Variants in PRSS12 observed in about 807,000 individuals in gnomAD.
The protein encoded by PRSS12 is neurotrypsin.
A neutral mutation model predicts 104.4 loss-of-function variants in PRSS12; 85 were observed. The observed-to-expected ratio is 0.81, with a 90% CI of 0.68 to 0.98. The LOEUF (loss-of-function observed/expected upper bound fraction) is 0.98, where lower values mean the gene tolerates loss of function less well. Among genes scored for constraint, PRSS12 ranks in the 50% least tolerant of loss-of-function variants. PRSS12 has a pLI of 0.00. For synonymous variants in PRSS12, 454 were observed against 425.2 expected (o/e 1.07, Z -0.83); for missense variants, 1,141 against 1,139.2 (o/e 1.00, Z -0.02).
At chr4:118,324,170 G>C (rs540536412) in intron 4 of PRSS12, among the ~76,000 whole-genome samples, 2 of 151,938 alleles carry the variant, frequency 1.3e-5, no homozygotes, top group Non-Finnish European at 2.9e-5. Context: ...AAAGTGCTAG[G>C]ATATTATCAC....
At chr4:118,342,669 G>A (rs2126044539) in intron 1 of PRSS12, among the ~76,000 whole-genome samples, 1 of 152,256 alleles carries the variant, frequency 6.6e-6, no homozygotes, top group African/African-American at 2.4e-5. Context: ...ATGCAGTGGA[G>A]GCCCCAGAGT....
rs766434670 is a variant in PRSS12, at chr4:118,312,886, A to T, written c.1489+315T>A. The T allele has an allele frequency of 2.0e-4, 69 of 346,268 alleles. 1 individual carries two copies. Among genetic ancestry groups the T allele is most frequent in the Non-Finnish European group, 3.5e-4 (65 of 184,260 alleles). 21.4% of individuals were successfully genotyped at this position (346,268 alleles called of 1,614,324 possible). ...AGGTAAATGAAAATCAGAATAAGTG[A>T]CCGAGGAGTAAGGGGAATAGATACT... On this transcript the variant is annotated intron_variant, in intron 7 of 12. Coordinates refer to ENST00000296498, the MANE Select transcript of PRSS12 (RefSeq NM_003619.4).
intron 7 of PRSS12, among the ~76,000 whole-genome samples, chr4:118,310,276 C>T (rs1447776668): frequency 1.3e-5 from 2 of 152,134 alleles, no homozygotes; most frequent in East Asian, 3.9e-4. Context: ...ATTAAGAAAA[C>T]ATTTGCACAT....
At position 118,294,949 on chromosome 4, in the gene PRSS12, A is replaced by G; in HGVS notation, c.2029T>C (p.Cys677Arg). ...SSCWVLTAAH[C>R]FKRYGNSTRS... ...AAGGTGGACACATACCTCTTGAAAC[A>G]GTGTGCTGCTGTGAGGACCCAGCAG... Residue 677 changes from cysteine to arginine, a missense_variant, in exon 11 of 13, where the codon TGT becomes CGT. Cys to Arg is a radical substitution (Grantham distance 180). Coordinates refer to ENST00000296498, the MANE Select transcript of PRSS12 (RefSeq NM_003619.4). The G allele has an allele frequency of 6.2e-7, 1 of 1,614,132 alleles. No homozygotes were observed. Among genetic ancestry groups the G allele is most frequent in the Non-Finnish European group, 8.5e-7 (1 of 1,180,018 alleles).
At chr4:118,292,723 A>G (rs143781114) in intron 11 of PRSS12, among the ~76,000 whole-genome samples, 5 of 152,288 alleles carry the variant, frequency 3.3e-5, no homozygotes, top group African/African-American at 7.2e-5. Context: ...CTGAAGCTCA[A>G]TTATATCCCC....
At chr4:118,320,905 T>C (rs1560777693) in intron 4 of PRSS12, among the ~76,000 whole-genome samples, 1 of 152,114 alleles carries the variant, frequency 6.6e-6, no homozygotes, top group Non-Finnish European at 1.5e-5. Context: ...AAGAATATTA[T>C]AGGAGGTATA....
intron 1 of PRSS12, among the ~76,000 whole-genome samples, chr4:118,341,913 T>G (rs1390194079): frequency 6.6e-6 from 1 of 152,178 alleles, no homozygotes; most frequent in African/African-American, 2.4e-5. Flanking sequence ...TATACCATGT[T>G]AGAGTTCACC....
chr4:118,282,186 A>C lies in PRSS12; in HGVS notation c.2378T>G (p.Phe793Cys). 1 of 1,614,204 alleles carries C rather than the reference A, an allele frequency of 6.2e-7. No homozygotes were observed. Among genetic ancestry groups the C allele is most frequent in the East Asian group, 2.2e-5 (1 of 44,880 alleles). Residue 793 changes from phenylalanine to cysteine, a missense_variant, in exon 13 of 13, where the codon TTT (phenylalanine) becomes TGT (cysteine). Phe to Cys is a radical substitution (Grantham distance 205). Coordinates refer to ENST00000296498, the MANE Select transcript of PRSS12 (RefSeq NM_003619.4). ...CCGACCCTTATAACGTTCTTCACAA[A>C]ACCTTTTAGGAAGTAAGGGAATGGC... ...QAAIPLLPKR[F>C]CEERYKGRFT...
chr4:118,307,758 G>A (rs1743593604), intron 8 of PRSS12, among the ~76,000 whole-genome samples: 1 of 152,116 alleles, frequency 6.6e-6, no homozygotes, highest in Non-Finnish European at 1.5e-5. Context: ...ACGCCTGAGG[G>A]AAGCTTATCT....
chr4:118,318,442 GCT>G lies in PRSS12; in HGVS notation c.1084_1085del (p.Ser362LeufsTer6). ...NELSIEQCPK[S>X]SWGEHNCGHK... is the part of the protein sequence containing the mutation. ...GGCCACAGTTATGCTCTCCCCAGGA[GCT>G]CTTTGGACACTGCTCAATTGAAAGC... On this transcript the variant is annotated frameshift_variant, in exon 5 of 13. Coordinates refer to ENST00000296498, the MANE Select transcript of PRSS12 (RefSeq NM_003619.4). LOFTEE classifies it high-confidence loss of function. The G allele has an allele frequency of 6.2e-7, 1 of 1,614,130 alleles. No individual in the cohort carries two copies. The highest frequency in any genetic ancestry group is 8.5e-7 in the Non-Finnish European group (1 of 1,180,008).
At chr4:118,343,403 A>G (rs1724265645) in intron 1 of PRSS12, among the ~76,000 whole-genome samples, 1 of 152,146 alleles carries the variant, frequency 6.6e-6, no homozygotes, top group South Asian at 2.1e-4. Flanking sequence ...TCAAAAAACA[A>G]AAAACAAAAA....
chr4:118,295,059 C>A lies in PRSS12; in HGVS notation c.1919G>T (p.Gly640Val), dbSNP rs542351163. 7.4e-6 allele frequency: 12 copies of A among 1,613,878 alleles called. No individual in the cohort carries two copies. Among genetic ancestry groups the A allele is most frequent in the Middle Eastern group, 1.7e-4 (1 of 6,060 alleles). ...GAGGGAAACCTGCCAAGGCCAACCACCCCTAAGAAGAAAATGAGCTACACA... is the reference window on the plus strand; with the variant it reads ...GAGGGAAACCTGCCAAGGCCAACCAACCCTAAGAAGAAAATGAGCTACACA... ...RIIGGKNSLRGGWPWQVSLRL... is the reference protein window; with the variant it reads ...RIIGGKNSLRVGWPWQVSLRL... The change falls in exon 11 of 13, where the codon GGT becomes GTT. Residue 640 changes from glycine (G) to valine (V), a missense_variant and splice_region_variant. Coordinates refer to ENST00000296498, the MANE Select transcript of PRSS12 (RefSeq NM_003619.4).
intron 2 of PRSS12, among the ~76,000 whole-genome samples, chr4:118,335,913 T>G (rs883998): frequency 0.027 from 4,129 of 152,334 alleles, 89 homozygotes; most frequent in Non-Finnish European, 0.043. Flanking sequence ...ATGACTGATT[T>G]AGAAGAAAAT....
Position 118,281,754 on chromosome 4 carries a change from T to A in PRSS12, c.*182A>T. On this transcript the variant is annotated 3_prime_UTR_variant, in exon 13 of 13. Transcript: ENST00000296498. ...TTCATTTAAGGATTATCACTTCCAC[T>A]ACACTGAGGCCTCTGAAAATGTTCA... is the stretch of plus-strand genomic sequence containing the variant. 1.6e-6 allele frequency: 1 copy of A among 628,016 alleles called. No homozygotes were observed. Among genetic ancestry groups the A allele is most frequent in the Non-Finnish European group, 2.9e-6 (1 of 349,678 alleles). The allele number at this position is 628,016 out of a possible 1,614,324, so 38.9% of individuals were successfully genotyped here.
chr4:118,330,637 G>A (rs1159047490), intron 4 of PRSS12, among the ~76,000 whole-genome samples: 1 of 152,086 alleles, frequency 6.6e-6, no homozygotes, highest in African/African-American at 2.4e-5. Flanking sequence ...CACTGTAGGG[G>A]CAACTCTGAA....
At chr4:118,282,755 T>C (rs1482451682) in intron 12 of PRSS12, 76 bp downstream of exon 12, 2 of 1,588,134 alleles carry the variant, frequency 1.3e-6, no homozygotes, top group Non-Finnish European at 1.7e-6. Context: ...TAAGATCTTA[T>C]TGCCCATTGC....
At chr4:118,308,288 A>C in intron 8 of PRSS12, 148 bp downstream of exon 8, 1 of 1,096,876 alleles carries the variant, frequency 9.1e-7, no homozygotes, top group South Asian at 1.4e-5. Flanking sequence ...TTACTTCTTT[A>C]TAATTCTGGA....
At position 118,282,213 on chromosome 4, in the gene PRSS12, G is replaced by C; in HGVS notation, c.2351C>G (p.Ala784Gly). 1 of 1,614,220 alleles carries C rather than the reference G, an allele frequency of 6.2e-7. No individual in the cohort carries two copies. Among genetic ancestry groups the C allele is most frequent in the Non-Finnish European group, 8.5e-7 (1 of 1,180,040 alleles). The change falls in exon 13 of 13, where the codon GCA becomes GGA. Residue 784 changes from alanine (A) to glycine (G), a missense_variant. Coordinates refer to ENST00000296498, the MANE Select transcript of PRSS12 (RefSeq NM_003619.4). ...GRAYSRTLQQAAIPLLPKRFC... is the reference protein window; with the variant it reads ...GRAYSRTLQQGAIPLLPKRFC... Reference sequence around the variant, plus strand: ...CCTTTTAGGAAGTAAGGGAATGGCTGCTTGTTGTAGTGTTCTTGAATAGGC... The same window carrying C: ...CCTTTTAGGAAGTAAGGGAATGGCTCCTTGTTGTAGTGTTCTTGAATAGGC...
At chr4:118,329,056 T>A (rs1242362271) in intron 4 of PRSS12, among the ~76,000 whole-genome samples, 1 of 152,172 alleles carries the variant, frequency 6.6e-6, no homozygotes. Context: ...CCTCCCAAAG[T>A]GCTGGGATTA....
Sources: gnomAD v4.1 joint callset for allele counts (sites outside exome capture counted in the v4.1 genomes callset) on GRCh38, gnomAD v4.1.1 for gene constraint, MANE v1.5 for transcripts, NCBI Gene and HGNC (gene_info 2026-07-23, HGNC 2026-07-21) for gene names.